COMMD1: variants seen among roughly 807,000 people sequenced by gnomAD.
COMMD1 encodes COMM domain-containing protein 1.
Under a neutral mutation model 17.2 loss-of-function variants are expected in COMMD1, and 10 were observed. The ratio of observed to expected loss-of-function variants is 0.58; its 90% CI spans 0.36 to 0.99. COMMD1 has a LOEUF of 0.99. COMMD1 is among the 50% of genes least tolerant of loss of function. COMMD1 has a pLI of 0.01. For missense variants in COMMD1, 270 were observed against 231.8 expected (o/e 1.17, Z -1.07); for synonymous variants, 97 against 91.6 (o/e 1.06, Z -0.34).
At chr2:61,919,385 A>T (rs1317846798) in intron 1 of COMMD1, among the ~76,000 whole-genome samples, 3 of 151,682 alleles carry the variant, frequency 2.0e-5, no homozygotes, top group African/African-American at 7.3e-5. Context: ...GTGCCATCGC[A>T]GCTCACTGCA....
chr2:62,129,445 T>C (rs968587868), intron 2 of COMMD1, among the ~76,000 whole-genome samples: 1 of 152,066 alleles, frequency 6.6e-6, no homozygotes, highest in South Asian at 2.1e-4. Context: ...GGGCCAGTGG[T>C]TCCTTAGGAA....
intron 2 of COMMD1, chr2:62,100,109 A>G (rs1291639736): frequency 2.6e-5 from 4 of 151,956 alleles, no homozygotes; most frequent in Non-Finnish European, 4.4e-5. Context: ...GAAAAGAGAG[A>G]GAGAGAAAAA....
chr2:61,910,358 C>T (rs1229714641), intron 1 of COMMD1, among the ~76,000 whole-genome samples: 4 of 151,546 alleles, frequency 2.6e-5, no homozygotes, highest in Non-Finnish European at 1.5e-5. Context: ...TCAAGCAATT[C>T]TGCCTCAACC....
intron 1 of COMMD1, among the ~76,000 whole-genome samples, chr2:61,913,366 C>CCAA (rs1669960219): frequency 2.9e-4 from 12 of 41,884 alleles, no homozygotes; most frequent in African/African-American, 4.8e-4. Context: ...GACTCCATCT[C>CCAA]AAAAAAAAAA....
chr2:62,042,970 C>T (rs978406803), intron 2 of COMMD1, among the ~76,000 whole-genome samples: 11 of 152,172 alleles, frequency 7.2e-5, no homozygotes, highest in Admixed American at 5.2e-4. Flanking sequence ...CCTATTTTTT[C>T]TGTGACGTTT....
At chr2:62,030,255 C>T (rs1408998101) in intron 2 of COMMD1, among the ~76,000 whole-genome samples, 1 of 152,096 alleles carries the variant, frequency 6.6e-6, no homozygotes, top group African/African-American at 2.4e-5. Context: ...GTTAGGCTTT[C>T]TGGTTGGTTT....
At chr2:61,894,218 C>T (rs1271739008) in intron 1 of COMMD1, among the ~76,000 whole-genome samples, 2 of 152,188 alleles carry the variant, frequency 1.3e-5, no homozygotes, top group Non-Finnish European at 2.9e-5. Context: ...TCCTGTCTCA[C>T]TCAGCCTCCC....
chr2:62,133,504 G>A (rs1367598631), intron 2 of COMMD1, among the ~76,000 whole-genome samples: 2 of 151,180 alleles, frequency 1.3e-5, no homozygotes, highest in African/African-American at 4.9e-5. Flanking sequence ...TATAAATTTT[G>A]CTGATGGTAA....
At chr2:62,046,300 A>G (rs1424590652) in intron 2 of COMMD1, among the ~76,000 whole-genome samples, 1 of 152,244 alleles carries the variant, frequency 6.6e-6, no homozygotes, top group Non-Finnish European at 1.5e-5. Context: ...ACAGAAAAGT[A>G]AAGAATTTGG....
rs556654345 is a variant in COMMD1 at position 62,068,610 on chromosome 2, G to C, written c.463-67221G>C. On this transcript the variant is annotated intron_variant, in intron 2 of 2. Coordinates refer to ENST00000311832, the MANE Select transcript of COMMD1 (RefSeq NM_152516.4). ...AGGTGCAGGGGCTTCAAAGATAGTA[G>C]TAGTATAATCTTTTTTTTTTTTTTT... Among the ~76,000 whole-genome samples the C allele has an allele frequency of 3.5e-5, 5 of 144,654 alleles. No homozygotes were observed. In the East Asian group the frequency reaches 1.0e-3, roughly 30 times the overall value. 94.9% of individuals were successfully genotyped at this position (144,654 alleles called of 152,430 possible). A position where few individuals can be genotyped will look rare whatever the true frequency, so the allele number is the denominator to read the frequency against.
chr2:62,036,054 T>TCTCA (rs71410916), intron 2 of COMMD1, among the ~76,000 whole-genome samples: 5 of 143,314 alleles, frequency 3.5e-5, no homozygotes, highest in Admixed American at 7.0e-5. Flanking sequence ...ACCCTGTCTC[T>TCTCA]CACACACACA....
intron 2 of COMMD1, among the ~76,000 whole-genome samples, chr2:62,062,691 T>C (rs1670896949): frequency 6.6e-6 from 1 of 152,108 alleles, no homozygotes; most frequent in Admixed American, 6.6e-5. Flanking sequence ...AAAAAAAATC[T>C]CTGTTCATTT....
intron 1 of COMMD1, among the ~76,000 whole-genome samples, chr2:61,898,967 AC>A (rs1380864971): frequency 6.6e-6 from 1 of 152,184 alleles, no homozygotes; most frequent in Non-Finnish European, 1.5e-5. Flanking sequence ...TGCAGCTGCT[AC>A]CAAGTTTCAA....
intron 2 of COMMD1, among the ~76,000 whole-genome samples, chr2:62,007,845 G>C (rs544499002): frequency 1.3e-5 from 2 of 152,184 alleles, no homozygotes; most frequent in African/African-American, 4.8e-5. Context: ...TGTAATTCTA[G>C]CTAGTAAATA....
chr2:62,110,209 A>G (rs996376761), intron 2 of COMMD1, among the ~76,000 whole-genome samples: 3 of 152,052 alleles, frequency 2.0e-5, no homozygotes, highest in Admixed American at 6.6e-5. Context: ...ATGTGGGACT[A>G]CAGGGGTGCA....
intron 1 of COMMD1, among the ~76,000 whole-genome samples, chr2:61,922,649 G>A (rs770742628): frequency 5.3e-5 from 8 of 152,140 alleles, no homozygotes; most frequent in Non-Finnish European, 8.8e-5. Flanking sequence ...AAAAATTTGC[G>A]AGGTTTATTT....
intron 2 of COMMD1, among the ~76,000 whole-genome samples, chr2:62,040,673 C>T (rs1257576193): frequency 6.6e-6 from 1 of 152,084 alleles, no homozygotes; most frequent in Non-Finnish European, 1.5e-5. Context: ...TTGGTTGTGT[C>T]ATAGTCTTTA....
chr2:61,905,536 C>T, upstream of COMMD1: 4 of 738,008 alleles, frequency 5.4e-6, no homozygotes, highest in Non-Finnish European at 8.6e-6. Flanking sequence ...AAGCTGTAAG[C>T]TGCCAACTCT....
At chr2:61,957,701 A>C (rs1558536652) in intron 1 of COMMD1, among the ~76,000 whole-genome samples, 1 of 152,232 alleles carries the variant, frequency 6.6e-6, no homozygotes, top group Non-Finnish European at 1.5e-5. Flanking sequence ...TGTTTTACTG[A>C]GTTTCTTTGA....
Sources: allele counts gnomAD v4.1 joint callset (sites outside exome capture counted in the v4.1 genomes callset), GRCh38; gene constraint gnomAD v4.1.1; transcripts MANE v1.5; gene names NCBI Gene and HGNC (gene_info 2026-07-23, HGNC 2026-07-21).